Variants in FDFT1 observed in about 807,000 individuals in gnomAD.
FDFT1 encodes squalene synthase.
Under a neutral mutation model 46.8 loss-of-function variants are expected in FDFT1, and 68 were observed. The observed-to-expected ratio is 1.45, with a 90% CI of 1.19 to 1.78. The LOEUF is 1.78. Ranked by LOEUF, FDFT1 falls within the 40% of genes most tolerant of loss-of-function variation. FDFT1 has a pLI of 0.00. For synonymous variants in FDFT1, 351 were observed against 185.1 expected (o/e 1.90, Z -7.28); for missense variants, 928 against 524.4 (o/e 1.77, Z -7.52).
At chr8:11,819,244 T>A (rs992113655) in intron 3 of FDFT1, among the ~76,000 whole-genome samples, 3 of 152,352 alleles carry the variant, frequency 2.0e-5, no homozygotes, top group Admixed American at 6.5e-5. Flanking sequence ...CTTCCCTTTG[T>A]GGGTAACCCG....
chr8:11,818,290 C>G (rs563839154), intron 3 of FDFT1, among the ~76,000 whole-genome samples: 2 of 152,248 alleles, frequency 1.3e-5, no homozygotes, highest in Admixed American at 6.5e-5. Context: ...ATTCTGTGGT[C>G]AATTTTAGAA....
At chr8:11,798,725 T>G (rs1379134207), upstream of FDFT1, among the ~76,000 whole-genome samples, 2 of 152,202 alleles carry the variant, frequency 1.3e-5, no homozygotes, top group Admixed American at 1.3e-4. Context: ...CTCAATTCAA[T>G]AAATACTCAT....
chr8:11,819,814 T>A (rs936460537), intron 3 of FDFT1, among the ~76,000 whole-genome samples: 1 of 152,126 alleles, frequency 6.6e-6, no homozygotes, highest in Non-Finnish European at 1.5e-5. Context: ...TTGGAGAAGT[T>A]TGTTATTACC....
At chr8:11,821,991 A>G (rs1809318848) in intron 4 of FDFT1, 113 bp downstream of exon 4, 3 of 1,266,792 alleles carry the variant, frequency 2.4e-6, no homozygotes, top group Non-Finnish European at 2.2e-6. Context: ...CTCTGGTTTT[A>G]CAATTCATCT....
chr8:11,811,480 G>T (rs768380220), intron 3 of FDFT1, among the ~76,000 whole-genome samples: 2 of 152,228 alleles, frequency 1.3e-5, no homozygotes, highest in East Asian at 1.9e-4. Context: ...CTCAGCAGAA[G>T]TGAGGGAATA....
rs376391117 is a variant in FDFT1, at chr8:11,838,479, A to G, written c.1124A>G (p.Gln375Arg). 1.2e-6 allele frequency: 2 copies of G among 1,605,780 alleles called. No homozygotes were observed. Among genetic ancestry groups the G allele is most frequent in the African/African-American group, 2.7e-5 (2 of 74,712 alleles). Reference protein sequence around the residue: ...TIRTQNLPNCQLISRSHYSPI... With the variant: ...TIRTQNLPNCRLISRSHYSPI... ...CGGACGCAGAATCTTCCCAACTGTCAGCTGATTTCCCGAAGCCACTACTCC... is the reference window on the plus strand; with the variant it reads ...CGGACGCAGAATCTTCCCAACTGTCGGCTGATTTCCCGAAGCCACTACTCC... Residue 375 changes from glutamine to arginine, a missense_variant, in exon 8 of 8, where the codon CAG (glutamine) becomes CGG (arginine). By Grantham distance (43) the Gln-to-Arg change is conservative (BLOSUM62 1). Coordinates refer to ENST00000220584, the MANE Select transcript of FDFT1 (RefSeq NM_004462.5).
chr8:11,801,839 G>A (rs925146902), upstream of FDFT1: 4 of 398,908 alleles, frequency 1.0e-5, no homozygotes, highest in African/African-American at 6.4e-5. Flanking sequence ...GACTACAGGC[G>A]CCCACCACCA....
chr8:11,811,101 C>T (rs1444120473), intron 3 of FDFT1, among the ~76,000 whole-genome samples: 1 of 152,068 alleles, frequency 6.6e-6, no homozygotes, highest in South Asian at 2.1e-4. Flanking sequence ...TTATACAGTA[C>T]AATTCAAGAG....
At chr8:11,831,846 G>A (rs1810849628) in intron 7 of FDFT1, 176 bp downstream of exon 7, 4 of 605,660 alleles carry the variant, frequency 6.6e-6, no homozygotes, top group Non-Finnish European at 1.2e-5. Context: ...GAGCCGAGCA[G>A]ATTGCTCACT....
intron 1 of FDFT1, among the ~76,000 whole-genome samples, chr8:11,804,282 C>G (rs917712046): frequency 6.6e-6 from 1 of 152,126 alleles, no homozygotes; most frequent in Non-Finnish European, 1.5e-5. Context: ...TCCTCTATGT[C>G]TCTTTCCTTT....
Position 11,831,587 on chromosome 8 carries a change from C to G in FDFT1, c.949C>G (p.Arg317Gly), listed in dbSNP as rs969055560. 1.2e-6 allele frequency: 2 copies of G among 1,613,966 alleles called. No individual in the cohort carries two copies. The highest frequency in any genetic ancestry group is 1.7e-6 in the Non-Finnish European group (2 of 1,179,862). Reference sequence around the variant, plus strand: ...GGTGTTCAAAGGGGCAGTGAAGATTCGGAAAGGGCAAGCAGTGACCCTGAT... The same window carrying G: ...GGTGTTCAAAGGGGCAGTGAAGATTGGGAAAGGGCAAGCAGTGACCCTGAT... Reference protein sequence around the residue: ...QQVFKGAVKIRKGQAVTLMMD... With the variant: ...QQVFKGAVKIGKGQAVTLMMD... The change falls in exon 7 of 8, where the codon CGG (arginine) becomes GGG (glycine). Residue 317 changes from arginine to glycine, a missense_variant. Physicochemically the swap from Arg to Gly is moderately radical, Grantham distance 125. Transcript: ENST00000220584.
Position 11,838,915 on chromosome 8 carries a change from C to T in FDFT1, c.*306C>T. ...CATATGTGACTGTCATGAGATCCTACTTAGTATGATCCTGGCTAGAATGAT... is the reference window on the plus strand; with the variant it reads ...CATATGTGACTGTCATGAGATCCTATTTAGTATGATCCTGGCTAGAATGAT... On this transcript the variant is annotated 3_prime_UTR_variant, in exon 8 of 8. Coordinates refer to ENST00000220584, the MANE Select transcript of FDFT1 (RefSeq NM_004462.5). 1 of 367,502 alleles carries T rather than the reference C, an allele frequency of 2.7e-6. No homozygotes were observed. The highest frequency in any genetic ancestry group is 2.1e-5 in the African/African-American group (1 of 47,140). 22.8% of individuals were successfully genotyped at this position (367,502 alleles called of 1,614,324 possible).
At position 11,824,605 on chromosome 8, in the gene FDFT1, T is replaced by TC. The variant is rs1221491797; in HGVS notation, c.511-1419_511-1418insC. Among the ~76,000 whole-genome samples, 278 of 120,284 alleles carry TC rather than the reference T, an allele frequency of 2.3e-3. 1 individual carries two copies. Among genetic ancestry groups the TC allele is most frequent in the Non-Finnish European group, 4.3e-3 (206 of 48,366 alleles). The allele number at this position is 120,284 out of a possible 152,430, so 78.9% of individuals were successfully genotyped here. A position where few individuals can be genotyped will look rare whatever the true frequency, so the allele number is the denominator to read the frequency against. On this transcript the variant is annotated intron_variant, in intron 4 of 7. Coordinates refer to ENST00000220584, the MANE Select transcript of FDFT1 (RefSeq NM_004462.5). ...ACTGTGCCTGGCTAATTTTTTTTTT[T>TC]TCTCACATGGGCAATGTTGGGCAAG...
intron 3 of FDFT1, among the ~76,000 whole-genome samples, chr8:11,814,513 T>A (rs1276345010): frequency 6.6e-6 from 1 of 152,216 alleles, no homozygotes; most frequent in Non-Finnish European, 1.5e-5. Flanking sequence ...TAACCAAATC[T>A]CTTCACTGTT....
chr8:11,827,592 T>TA (rs1352805692), intron 5 of FDFT1, among the ~76,000 whole-genome samples: 3 of 150,948 alleles, frequency 2.0e-5, no homozygotes, highest in East Asian at 3.9e-4. Flanking sequence ...TTCCTAATAT[T>TA]AAAAAAAACT....
intron 3 of FDFT1, among the ~76,000 whole-genome samples, chr8:11,812,846 T>C (rs575537492): frequency 6.6e-6 from 1 of 152,348 alleles, no homozygotes; most frequent in South Asian, 2.1e-4. Context: ...TCAGGCTTTC[T>C]AGAAATCTCA....
At chr8:11,829,978 G>A (rs1810547805) in intron 5 of FDFT1, among the ~76,000 whole-genome samples, 1 of 152,064 alleles carries the variant, frequency 6.6e-6, no homozygotes, top group South Asian at 2.1e-4. Flanking sequence ...CTCCTGAGTA[G>A]CTGGGATTAC....
intron 3 of FDFT1, among the ~76,000 whole-genome samples, chr8:11,811,520 G>C (rs1807708934): frequency 6.6e-6 from 1 of 152,166 alleles, no homozygotes; most frequent in African/African-American, 2.4e-5. Context: ...ACATAATTTT[G>C]GGGAATATCG....
At chr8:11,829,371 C>T (rs552072131) in intron 5 of FDFT1, among the ~76,000 whole-genome samples, 1 of 152,292 alleles carries the variant, frequency 6.6e-6, no homozygotes, top group African/African-American at 2.4e-5. Flanking sequence ...AGCCGAATCC[C>T]ACTGTTAGAA....
Sources: allele counts gnomAD v4.1 joint callset (sites outside exome capture counted in the v4.1 genomes callset), GRCh38; gene constraint gnomAD v4.1.1; transcripts MANE v1.5; gene names NCBI Gene and HGNC (gene_info 2026-07-23, HGNC 2026-07-21).